TRIO: variants seen among roughly 807,000 people sequenced by gnomAD.
TRIO encodes triple functional domain protein.
In TRIO, 58 loss-of-function variants were observed where a neutral mutation model predicts 351.9. That is an observed-to-expected ratio of 0.16 (90% CI 0.13 to 0.21). The LOEUF is 0.21. Ranked by LOEUF, TRIO falls within the 10% of genes least tolerant of loss-of-function variation. TRIO has a pLI of 1.00. For synonymous variants in TRIO, 1,758 were observed against 1,595.7 expected, an observed-to-expected ratio of 1.10 and a Z score of -2.42; for missense variants, 3,201 against 4,027.8, an observed-to-expected ratio of 0.79 and a Z score of 5.56.
intron 12 of TRIO, 22 bp downstream of exon 12, chr5:14,358,369 G>C (rs747086487): frequency 3.8e-5 from 61 of 1,610,320 alleles, no homozygotes; most frequent in Non-Finnish European, 4.8e-5. Flanking sequence ...CCCTCTCCTG[G>C]TCCGAACAGA....
chr5:14,343,529 CT>C (rs202042797), intron 11 of TRIO, among the ~76,000 whole-genome samples: 24 of 152,120 alleles, frequency 1.6e-4, no homozygotes, highest in Admixed American at 1.6e-3. Context: ...TTTGAGATGG[CT>C]TTTTTTTAAC....
At chr5:14,348,071 G>A (rs1742598141) in intron 11 of TRIO, among the ~76,000 whole-genome samples, 1 of 152,194 alleles carries the variant, frequency 6.6e-6, no homozygotes, top group Admixed American at 6.5e-5. Flanking sequence ...GACCAAGGGA[G>A]GCCGTCGTCT....
chr5:14,144,135 C>T (rs1268556893), intron 1 of TRIO, among the ~76,000 whole-genome samples: 1 of 152,166 alleles, frequency 6.6e-6, no homozygotes, highest in East Asian at 1.9e-4. Context: ...CTCCCTGCGC[C>T]CGCCCCTCGT....
At chr5:14,492,381 G>T (rs1756552603) in intron 48 of TRIO, 186 bp from the exon 49 acceptor site, 1 of 721,042 alleles carries the variant, frequency 1.4e-6, no homozygotes, top group African/African-American at 1.8e-5. Context: ...TACATTTTCA[G>T]TTATTGAAAT....
At chr5:14,478,215 G>A (rs32529) in intron 41 of TRIO, among the ~76,000 whole-genome samples, 62,199 of 152,136 alleles carry the variant, frequency 0.41, 18,131 homozygotes, top group African/African-American at 0.83. Flanking sequence ...TTAAAAACGT[G>A]TATACTCCCT....
At chr5:14,145,251 G>A (rs1787437703) in intron 1 of TRIO, among the ~76,000 whole-genome samples, 1 of 152,240 alleles carries the variant, frequency 6.6e-6, no homozygotes, top group African/African-American at 2.4e-5. Context: ...GATGGTGAGA[G>A]GCAGAAGTTA....
intron 1 of TRIO, among the ~76,000 whole-genome samples, chr5:14,145,807 C>G (rs756919672): frequency 7.9e-5 from 12 of 152,206 alleles, no homozygotes; most frequent in Non-Finnish European, 1.8e-4. Flanking sequence ...GATTTGCTGC[C>G]TGTTGGCGTG....
intron 21 of TRIO, among the ~76,000 whole-genome samples, chr5:14,386,891 G>A (rs902209161): frequency 5.9e-5 from 9 of 152,200 alleles, no homozygotes; most frequent in African/African-American, 1.7e-4. Context: ...TTTTCTGAGA[G>A]TTAAAGCAAT....
At chr5:14,507,409 A>ATCTC (rs111969821) in intron 56 of TRIO, 149 bp downstream of exon 56, 40 of 962,914 alleles carry the variant, frequency 4.2e-5, no homozygotes, top group African/African-American at 2.6e-4. Flanking sequence ...CTGATTGCTA[A>ATCTC]TCTCTCTCTC....
chr5:14,257,567 G>A (rs550821261), intron 1 of TRIO, among the ~76,000 whole-genome samples: 1 of 152,270 alleles, frequency 6.6e-6, no homozygotes, highest in Non-Finnish European at 1.5e-5. Flanking sequence ...TGCTTGTGGG[G>A]TGGGGAAGGG....
At chr5:14,184,862 T>C (rs769329929) in intron 1 of TRIO, among the ~76,000 whole-genome samples, 4 of 152,160 alleles carry the variant, frequency 2.6e-5, no homozygotes, top group Non-Finnish European at 5.9e-5. Context: ...TGTACTCTAA[T>C]CTAATGCACG....
At chr5:14,270,790 A>C (rs1405395641) in intron 1 of TRIO, 35 bp from the exon 2 acceptor site, 1 of 1,567,948 alleles carries the variant, frequency 6.4e-7, no homozygotes, top group Admixed American at 1.7e-5. Context: ...CACTCTGGCA[A>C]CCCAGTAATT....
chr5:14,282,557 A>G (rs1736092688), intron 3 of TRIO, among the ~76,000 whole-genome samples: 1 of 150,446 alleles, frequency 6.6e-6, no homozygotes, highest in East Asian at 1.9e-4. Flanking sequence ...AATCTGGATG[A>G]CCCACTTTAA....
chr5:14,289,216 C>G (rs1284939213), intron 4 of TRIO, among the ~76,000 whole-genome samples: 2 of 152,130 alleles, frequency 1.3e-5, no homozygotes, highest in Non-Finnish European at 2.9e-5. Flanking sequence ...GAAACTCCAT[C>G]TCTACTAAAA....
rs573941570 is a variant in TRIO at position 14,378,196 on chromosome 5, T to C, written c.3447+69T>C. The C allele has an allele frequency of 3.7e-4, 440 of 1,188,980 alleles. 3 individuals carry two copies. In the South Asian group the frequency reaches 5.7e-3, roughly 15 times the overall value. 73.7% of individuals were successfully genotyped at this position (1,188,980 alleles called of 1,614,324 possible). ...CTCACACCTGTCTCCACAGAGAGGC[T>C]GAGCTTGACATTTCCGCCATCTTGA... On this transcript the variant is annotated intron_variant, in intron 20 of 56. Coordinates refer to ENST00000344204, the MANE Select transcript of TRIO (RefSeq NM_007118.4).
intron 33 of TRIO, among the ~76,000 whole-genome samples, chr5:14,419,505 G>T (rs1410410118): frequency 6.6e-6 from 1 of 151,964 alleles, no homozygotes; most frequent in East Asian, 1.9e-4. Context: ...TTCAAGCAGA[G>T]TTTTTTTTAG....
In TRIO at chr5:14,280,629, A is replaced by G. The variant is rs189398551; in HGVS notation, c.347+193A>G. 9.9e-5 allele frequency among the ~76,000 whole-genome samples: 15 copies of G among 152,268 alleles called. No individual in the cohort carries two copies. In the South Asian group the frequency reaches 1.9e-3, roughly 19 times the overall value. ...GTGTAAAGCCCTTTGGGGAGCAGGGACATGAAGGTAGGTAAGAGCTTTGTG... is the reference window on the plus strand; with the variant it reads ...GTGTAAAGCCCTTTGGGGAGCAGGGGCATGAAGGTAGGTAAGAGCTTTGTG... On this transcript the variant is annotated intron_variant, in intron 3 of 56. Coordinates refer to ENST00000344204, the MANE Select transcript of TRIO (RefSeq NM_007118.4).
In TRIO at chr5:14,363,777, A is replaced by G. The variant is rs754917832; in HGVS notation, c.2437A>G (p.Met813Val). ...ESWNDELSQQ[M>V]NDFDTEDLTI... ...TTGGAATGATGAGCTTTCTCAGCAA[A>G]TGAATGACTTCGACACAGAAGATCT... The change falls in exon 14 of 57, where the codon ATG becomes GTG. Residue 813 changes from methionine to valine, a missense_variant. Around this residue, in one of 19 missense-constraint regions of TRIO, gnomAD observed 363 missense variants for 553.5 expected, o/e 0.66. Coordinates refer to ENST00000344204, the MANE Select transcript of TRIO (RefSeq NM_007118.4). 1 of 1,614,194 alleles carries G rather than the reference A, an allele frequency of 6.2e-7. No individual in the cohort carries two copies. The highest frequency in any genetic ancestry group is 1.1e-5 in the South Asian group (1 of 91,074).
intron 53 of TRIO, among the ~76,000 whole-genome samples, chr5:14,501,377 G>A (rs1249421051): frequency 6.6e-6 from 1 of 152,222 alleles, no homozygotes; most frequent in Non-Finnish European, 1.5e-5. Context: ...TGCTTCTCGT[G>A]TGTCCTTCAG....
Sources: allele counts gnomAD v4.1 joint callset (sites outside exome capture counted in the v4.1 genomes callset), GRCh38; gene constraint gnomAD v4.1.1; regional missense constraint gnomAD v4.1.1; transcripts MANE v1.5; gene names NCBI Gene and HGNC (gene_info 2026-07-23, HGNC 2026-07-21).